The following ADD1 variants were observed in gnomAD, a reference collection of about 807,000 sequenced individuals.
ADD1 encodes the protein adducin 1.
Under a neutral mutation model 80.5 loss-of-function variants are expected in ADD1, and 24 were observed. The ratio of observed to expected loss-of-function variants is 0.30; its 90% CI spans 0.22 to 0.42. ADD1 has a LOEUF of 0.42. Among genes scored for constraint, ADD1 ranks in the 10% least tolerant of loss-of-function variants. ADD1 has a pLI of 1.00. For missense variants in ADD1, 948 were observed against 1,019.0 expected, an observed-to-expected ratio of 0.93 and a Z score of 0.95; for synonymous variants, 373 against 393.8, an observed-to-expected ratio of 0.95 and a Z score of 0.63.
chr4:2,903,856 T>G (rs913999174), intron 9 of ADD1, among the ~76,000 whole-genome samples: 1 of 152,072 alleles, frequency 6.6e-6, no homozygotes, highest in Non-Finnish European at 1.5e-5. Flanking sequence ...TGCAGATGAG[T>G]TGGTCCAGTA....
intron 1 of ADD1, among the ~76,000 whole-genome samples, chr4:2,861,911 C>T (rs1367674165): frequency 6.6e-6 from 1 of 152,182 alleles, no homozygotes; most frequent in East Asian, 1.9e-4. Flanking sequence ...AATTCGTAAA[C>T]TTTCTTAAAA....
At chr4:2,894,148 C>T in intron 5 of ADD1, 55 bp downstream of exon 5, 2 of 1,371,748 alleles carry the variant, frequency 1.5e-6, no homozygotes, top group Non-Finnish European at 2.1e-6. Flanking sequence ...TTAGGTCATT[C>T]AACATCTTCA....
Position 2,898,330 on chromosome 4 carries a change from C to G in ADD1, c.885+3C>G, listed in dbSNP as rs764286338. 5.6e-6 allele frequency: 9 copies of G among 1,614,138 alleles called. No individual in the cohort carries two copies. The highest frequency in any genetic ancestry group is 7.6e-6 in the Non-Finnish European group (9 of 1,180,012). ...AAAATCTGGGGCCTAAAAGCAAGGT[C>G]AGTAGGCATCTAATCTGGTATTTAA... On this transcript the variant is annotated splice_donor_region_variant and intron_variant, in intron 7 of 15. Transcript: ENST00000683351.
chr4:2,880,556 A>T (rs1177394931), intron 2 of ADD1, among the ~76,000 whole-genome samples: 1 of 136,762 alleles, frequency 7.3e-6, no homozygotes, highest in Non-Finnish European at 1.5e-5. Context: ...GCTCACTGCA[A>T]GCTCCGCCTC....
rs146359649 is a variant in ADD1, at chr4:2,860,129, G to C, written c.-20-15767G>C. 3.8e-3 allele frequency among the ~76,000 whole-genome samples: 584 copies of C among 152,112 alleles called. 25 individuals are homozygous for C. Among genetic ancestry groups the C allele is most frequent in the Admixed American group, 0.034 (518 of 15,270 alleles). On this transcript the variant is annotated intron_variant, in intron 1 of 15. Coordinates refer to ENST00000683351, the MANE Select transcript of ADD1 (RefSeq NM_001354761.2). ...TTATGGGGTTTCATAAAGTGAGCAG[G>C]TACCATGCTCACTTAGTTATAACTT...
intron 1 of ADD1, among the ~76,000 whole-genome samples, chr4:2,870,283 C>G (rs1730224440): frequency 6.6e-6 from 1 of 152,228 alleles, no homozygotes; most frequent in Non-Finnish European, 1.5e-5. Context: ...GGCTGCAGTA[C>G]TTCTGCTAAG....
chr4:2,903,044 TA>T, intron 9 of ADD1: 1 of 151,114 alleles, frequency 6.6e-6, no homozygotes, highest in East Asian at 1.9e-4. Context: ...AAAATTAAAT[TA>T]AAAAAATAAA....
At chr4:2,925,766 C>T (rs1351944803) in intron 14 of ADD1, among the ~76,000 whole-genome samples, 6 of 152,228 alleles carry the variant, frequency 3.9e-5, no homozygotes, top group Non-Finnish European at 2.9e-5. Context: ...CTGGCAGACT[C>T]TCTTTGGAAT....
chr4:2,899,121 G>A, intron 8 of ADD1, 138 bp from the exon 9 acceptor site: 1 of 870,334 alleles, frequency 1.1e-6, no homozygotes, highest in Non-Finnish European at 1.8e-6. Context: ...TGATCAGTCT[G>A]TCACTATCCA....
At chr4:2,851,781 G>A (rs1018895131) in intron 1 of ADD1, among the ~76,000 whole-genome samples, 5 of 151,996 alleles carry the variant, frequency 3.3e-5, no homozygotes, top group Non-Finnish European at 7.4e-5. Flanking sequence ...GGGATGTGAT[G>A]TTAATTGACC....
At chr4:2,922,993 A>T (rs2109195865) in intron 14 of ADD1, among the ~76,000 whole-genome samples, 1 of 152,270 alleles carries the variant, frequency 6.6e-6, no homozygotes, top group East Asian at 1.9e-4. Flanking sequence ...TCCCCCCACC[A>T]AGCTCCAGCA....
rs566649876 is a variant in ADD1, at chr4:2,896,130, G to A, written c.741+1399G>A. 8.2e-4 allele frequency among the ~76,000 whole-genome samples: 124 copies of A among 152,010 alleles called. 2 individuals are homozygous for A. Among genetic ancestry groups the A allele is most frequent in the Non-Finnish European group, 9.4e-4 (64 of 67,948 alleles). On this transcript the variant is annotated intron_variant, in intron 6 of 15. Coordinates refer to ENST00000683351, the MANE Select transcript of ADD1 (RefSeq NM_001354761.2). ...TCTTGATCGCCTGACCTCGTGATCC[G>A]CCCGCTTCGGCCTCCCAAAGTGCTG...
At chr4:2,890,333 T>A (rs1339730958) in intron 4 of ADD1, among the ~76,000 whole-genome samples, 1 of 152,174 alleles carries the variant, frequency 6.6e-6, no homozygotes, top group Non-Finnish European at 1.5e-5. Flanking sequence ...TATGAAAAGT[T>A]ACTGAAATCA....
chr4:2,909,354 G>C lies in ADD1; in HGVS notation c.1714G>C (p.Asp572His). ...ACTGTTTCAGGATGCACCTCTCTCT[G>C]ACTGTACGGAAACTATCGAAGGGCT... ...RSLVQDAPLS[D>H]CTETIEGLEL... Residue 572 changes from aspartate to histidine, a missense_variant, in exon 13 of 16, where the codon GAC becomes CAC. Asp to His is a moderately conservative substitution (Grantham distance 81, BLOSUM62 -1). Transcript: ENST00000683351. The C allele has an allele frequency of 6.4e-7, 1 of 1,550,402 alleles. No homozygotes were observed. The highest frequency in any genetic ancestry group is 1.2e-5 in the South Asian group (1 of 84,036).
chr4:2,927,896 G>C (rs1046506697), intron 15 of ADD1, among the ~76,000 whole-genome samples: 1 of 152,082 alleles, frequency 6.6e-6, no homozygotes, highest in Non-Finnish European at 1.5e-5. Context: ...CTGTCTTTCC[G>C]GCGGGGGGAC....
At chr4:2,916,879 G>T (rs548847494) in intron 14 of ADD1, among the ~76,000 whole-genome samples, 43 of 152,298 alleles carry the variant, frequency 2.8e-4, no homozygotes, top group East Asian at 1.5e-3. Flanking sequence ...CCTTTTTTAT[G>T]ATTGCATAGT....
In ADD1 at chr4:2,926,495, C is replaced by A; in HGVS notation, c.2047+383C>A. 1 of 835,792 alleles carries A rather than the reference C, an allele frequency of 1.2e-6. No individual in the cohort carries two copies. The highest frequency in any genetic ancestry group is 2.0e-6 in the Non-Finnish European group (1 of 510,850). The allele number at this position is 835,792 out of a possible 1,614,324, so 51.8% of individuals were successfully genotyped here. A position where few individuals can be genotyped will look rare whatever the true frequency, so the allele number is the denominator to read the frequency against. ...CACCGTGTGTCTGTGGTGTGTGATC[C>A]CGGGTGTCTGTCCCTCGGTCTCGTA... is the stretch of plus-strand genomic sequence containing the variant. On this transcript the variant is annotated intron_variant, in intron 15 of 15. Transcript: ENST00000683351. The surrounding 1 kb of genome is among the most constrained non-coding windows in gnomAD (Gnocchi z 5.0).
intron 13 of ADD1, chr4:2,914,598 TC>T (rs1199020721): frequency 9.6e-6 from 3 of 314,064 alleles, no homozygotes; most frequent in Admixed American, 9.6e-5. Context: ...CCTGAGGTGC[TC>T]TGTGCTCTTG....
At chr4:2,875,870 T>C in intron 1 of ADD1, 26 bp from the exon 2 acceptor site, 1 of 1,507,560 alleles carries the variant, frequency 6.6e-7, no homozygotes, top group South Asian at 1.3e-5. Flanking sequence ...TTGAAAACAA[T>C]AATTTCTTTT....
Sources: gnomAD v4.1 joint callset for allele counts (sites outside exome capture counted in the v4.1 genomes callset) on GRCh38, gnomAD v4.1.1 for gene constraint, Gnocchi (gnomAD v3.1) non-coding constraint, MANE v1.5 for transcripts, NCBI Gene and HGNC (gene_info 2026-07-23, HGNC 2026-07-21) for gene names.